C19orf18: variants seen among roughly 807,000 people sequenced by gnomAD.
The protein encoded by C19orf18 is chromosome 19 open reading frame 18.
In C19orf18, 21 loss-of-function variants were observed where a neutral mutation model predicts 23.3. The ratio of observed to expected loss-of-function variants is 0.90; its 90% confidence interval spans 0.64 to 1.30. C19orf18 has a LOEUF of 1.30. Ranked by LOEUF, C19orf18 falls within the 50% of genes most tolerant of loss-of-function variation. The pLI, the probability that C19orf18 is intolerant of heterozygous loss-of-function variation, is 0.00. For missense variants in C19orf18, 249 were observed against 259.6 expected (o/e 0.96, Z 0.28); for synonymous variants, 96 against 95.2 (o/e 1.01, Z -0.05).
intron 4 of C19orf18, among the ~76,000 whole-genome samples, chr19:57,963,090 G>A (rs1290471230): frequency 6.0e-5 from 9 of 149,448 alleles, no homozygotes; most frequent in Non-Finnish European, 1.2e-4. Context: ...GCAATGGCGC[G>A]ATCTTGGCTC....
At chr19:57,965,117 T>TTTATTTATTTATTTATTTA (rs1555787180) in intron 4 of C19orf18, among the ~76,000 whole-genome samples, 1 of 145,938 alleles carries the variant, frequency 6.9e-6, no homozygotes, top group Non-Finnish European at 1.5e-5. Context: ...GTTCTTTTTA[T>TTTATTTATTTATTTATTTA]TTTATTTATT....
chr19:57,974,109 C>T lies in C19orf18; in HGVS notation c.216G>A (p.Ser72=), dbSNP rs746771292. 8 of 1,613,832 alleles carry T rather than the reference C, an allele frequency of 5.0e-6. No individual in the cohort carries two copies. The highest frequency in any genetic ancestry group is 1.3e-5 in the African/African-American group (1 of 74,880). The change falls in exon 2 of 6, where the codon TCG becomes TCA. Residue 72 remains serine, a synonymous_variant. Coordinates refer to ENST00000314391, the MANE Select transcript of C19orf18 (RefSeq NM_152474.5). ...TQLPGIQGAA[S]RSTAASPTNP... ...AATTCAATGACTCACCCGTGGATCT[C>T]GAGGCAGCCCCTTGAATCCCAGGCA... is the stretch of plus-strand genomic sequence containing the variant.
At chr19:57,964,134 T>C (rs1156804386) in intron 4 of C19orf18, among the ~76,000 whole-genome samples, 2 of 152,298 alleles carry the variant, frequency 1.3e-5, no homozygotes, top group Non-Finnish European at 1.5e-5. Context: ...TTAGTGCTAA[T>C]ACAAATGTGA....
intron 4 of C19orf18, among the ~76,000 whole-genome samples, chr19:57,965,117 TTTTATTTATTTA>T (rs59561103): frequency 2.1e-5 from 3 of 146,038 alleles, no homozygotes; most frequent in South Asian, 2.1e-4. Flanking sequence ...GTTCTTTTTA[TTTTATTTATTTA>T]TTTATTTATT....
chr19:57,966,547 T>C lies in C19orf18; in HGVS notation c.354A>G (p.Ala118=). 1 of 1,606,934 alleles carries C rather than the reference T, an allele frequency of 6.2e-7. No individual in the cohort carries two copies. Among genetic ancestry groups the C allele is most frequent in the Non-Finnish European group, 8.5e-7 (1 of 1,173,600 alleles). Residue 118 remains alanine, a synonymous_variant, in exon 4 of 6, where the codon GCA becomes GCG. Coordinates refer to ENST00000314391, the MANE Select transcript of C19orf18 (RefSeq NM_152474.5). ...ATACTTACTATATCATATAGGAGAT[T>C]GCCATCCCACATATCAGGGCAATGC... ...AFSIALICGM[A]ISYMIYRLAQ...
intron 4 of C19orf18, among the ~76,000 whole-genome samples, chr19:57,962,539 C>T (rs1403231875): frequency 6.6e-6 from 1 of 152,062 alleles, no homozygotes; most frequent in Admixed American, 6.6e-5. Flanking sequence ...CTTCCCAGTA[C>T]TGTGTGAATT....
chr19:57,966,103 G>A (rs982826968), intron 4 of C19orf18, among the ~76,000 whole-genome samples: 12 of 151,334 alleles, frequency 7.9e-5, no homozygotes, highest in Non-Finnish European at 1.2e-4. Context: ...TCAGCCTCCC[G>A]AGGAGCCGGG....
chr19:57,961,409 C>A lies in C19orf18; in HGVS notation c.514G>T (p.Glu172Ter), dbSNP rs1305386135. 1 of 1,613,582 alleles carries A rather than the reference C, an allele frequency of 6.2e-7. No individual in the cohort carries two copies. Among genetic ancestry groups the A allele is most frequent in the East Asian group, 2.2e-5 (1 of 44,866 alleles). Residue 172 changes from glutamate to a stop codon, truncating the protein, a stop_gained, in exon 5 of 6, where the codon GAA becomes TAA. Coordinates refer to ENST00000314391, the MANE Select transcript of C19orf18 (RefSeq NM_152474.5). LOFTEE classifies it low-confidence loss of function (END_TRUNC). ...HLLPENENEL[E>*]KFIHSVIISK... ...ACACTACCTGAGTGGATGAACTTTT[C>A]CAGCTCATTTTCGTTCTCTGGAAGT...
intron 2 of C19orf18, 145 bp from the exon 3 acceptor site, chr19:57,972,649 T>TCCCA: frequency 2.3e-6 from 2 of 851,556 alleles, no homozygotes; most frequent in Non-Finnish European, 3.6e-6. Context: ...TGTTAATACA[T>TCCCA]TCCTCCCAAT....
rs1357736523 is a variant in C19orf18, at chr19:57,968,085, CCAGA to C, written c.269-1457_269-1454del. Among the ~76,000 whole-genome samples the C allele has an allele frequency of 2.4e-3, 365 of 152,286 alleles. 3 individuals carry two copies. The highest frequency in any genetic ancestry group is 7.6e-3 in the African/African-American group (316 of 41,572). ...TCACAGTTCTGGAGGCTGGGAAGTC[CCAGA>C]TCAAGGCATCAGCAGCTTTGGTGGC... is the stretch of plus-strand genomic sequence containing the variant. On this transcript the variant is annotated intron_variant, in intron 3 of 5. Coordinates refer to ENST00000314391, the MANE Select transcript of C19orf18 (RefSeq NM_152474.5).
At chr19:57,964,483 T>C (rs757521526) in intron 4 of C19orf18, among the ~76,000 whole-genome samples, 2 of 152,206 alleles carry the variant, frequency 1.3e-5, no homozygotes, top group African/African-American at 2.4e-5. Flanking sequence ...GGTTTCACCA[T>C]GTTGCCCACG....
intron 5 of C19orf18, 34 bp downstream of exon 5, chr19:57,961,357 C>A: frequency 1.3e-6 from 2 of 1,541,124 alleles, no homozygotes; most frequent in East Asian, 2.3e-5. Context: ...GCCAGCTTGG[C>A]TTTCCTGCGA....
intron 3 of C19orf18, among the ~76,000 whole-genome samples, chr19:57,969,566 G>GAAAAAAAAAAAAAAAC (rs2072930212): frequency 2.2e-5 from 1 of 46,498 alleles, no homozygotes; most frequent in African/African-American, 9.5e-5. Flanking sequence ...AAAAAAAACA[G>GAAAAAAAAAAAAAAAC]AAAAAAAAAA....
intron 4 of C19orf18, among the ~76,000 whole-genome samples, chr19:57,964,755 A>G (rs1383422289): frequency 6.6e-6 from 1 of 152,192 alleles, no homozygotes; most frequent in East Asian, 1.9e-4. Context: ...ACACATGGCA[A>G]TATATCTTGT....
intron 4 of C19orf18, among the ~76,000 whole-genome samples, chr19:57,964,321 G>A (rs371115000): frequency 1.3e-5 from 2 of 152,088 alleles, no homozygotes; most frequent in Non-Finnish European, 2.9e-5. Context: ...TCACTCTGTC[G>A]CCCAGGAGGA....
intron 3 of C19orf18, among the ~76,000 whole-genome samples, chr19:57,969,566 G>GCAAGAAAAAAAAAAACA (rs2072930123): frequency 2.2e-5 from 1 of 46,500 alleles, no homozygotes; most frequent in Non-Finnish European, 3.5e-5. Flanking sequence ...AAAAAAAACA[G>GCAAGAAAAAAAAAAACA]AAAAAAAAAA....
intron 5 of C19orf18, among the ~76,000 whole-genome samples, chr19:57,959,455 TC>T (rs1475641313): frequency 1.4e-5 from 2 of 147,344 alleles, no homozygotes; most frequent in African/African-American, 5.0e-5. Context: ...AGACCCCCCA[TC>T]TCTACTAAAA....
rs139303329 is a variant in C19orf18, at chr19:57,972,492, G to T, written c.239C>A (p.Thr80Lys). 1 of 1,614,022 alleles carries T rather than the reference G, an allele frequency of 6.2e-7. No individual in the cohort carries two copies. The highest frequency in any genetic ancestry group is 2.2e-5 in the East Asian group (1 of 44,884). The stretch of plus-strand genomic sequence containing the variant: ...ATTCCTCAGGAATTTCATGGGGTTC[G>T]TAGGGGATGCAGCTAAAAGGCCATC... ...AASRSTAASP[T>K]NPMKFLRNKA... Residue 80 changes from threonine to lysine, a missense_variant, in exon 3 of 6, where the codon ACG becomes AAG. Physicochemically the swap from Thr to Lys is moderately conservative, Grantham distance 78 (BLOSUM62 -1). Transcript: ENST00000314391.
intron 4 of C19orf18, among the ~76,000 whole-genome samples, chr19:57,966,135 G>A (rs1600206237): frequency 6.6e-6 from 1 of 151,912 alleles, no homozygotes; most frequent in South Asian, 2.1e-4. Flanking sequence ...CCGCCACCAC[G>A]CCCGGCTAAT....
Sources: gnomAD v4.1 joint callset for allele counts (sites outside exome capture counted in the v4.1 genomes callset) on GRCh38, gnomAD v4.1.1 for gene constraint, MANE v1.5 for transcripts, NCBI Gene and HGNC (gene_info 2026-07-23, HGNC 2026-07-21) for gene names.